The following FER1L6 variants were observed in gnomAD, a reference collection of about 807,000 sequenced individuals.
The protein encoded by FER1L6 is fer-1-like protein 6.
A neutral mutation model predicts 219.2 loss-of-function variants in FER1L6; 177 were observed. That is an observed-to-expected ratio of 0.81 (90% CI 0.71 to 0.91). FER1L6 has a LOEUF of 0.91. Ranked by LOEUF, FER1L6 falls within the 40% of genes least tolerant of loss-of-function variation. The pLI, the probability that FER1L6 is intolerant of heterozygous loss-of-function variation, is 0.00. For missense variants in FER1L6, 2,153 were observed against 2,259.9 expected (o/e 0.95, Z 0.96); for synonymous variants, 768 against 824.3 (o/e 0.93, Z 1.17).
Position 123,949,421 on chromosome 8 carries a change from C to T in FER1L6, c.-7-6571C>T, listed in dbSNP as rs569817783. 6.0e-4 allele frequency among the ~76,000 whole-genome samples: 91 copies of T among 152,226 alleles called. 1 individual carries two copies. Among genetic ancestry groups the T allele is most frequent in the African/African-American group, 2.2e-3 (91 of 41,540 alleles). ...AGTAAGTTTAGGAAGTTTAATGATTCCCATTTGTAATAAAATCTGTTATGG... is the reference window on the plus strand; with the variant it reads ...AGTAAGTTTAGGAAGTTTAATGATTTCCATTTGTAATAAAATCTGTTATGG... On this transcript the variant is annotated intron_variant, in intron 1 of 40. Coordinates refer to ENST00000522917, the MANE Select transcript of FER1L6 (RefSeq NM_001039112.2).
At chr8:124,096,128 G>T in intron 35 of FER1L6, among the ~76,000 whole-genome samples, 1 of 152,168 alleles carries the variant, frequency 6.6e-6, no homozygotes, top group East Asian at 1.9e-4. Context: ...CGTTGAGAGG[G>T]TAAACCATTA....
In FER1L6 at chr8:123,880,272, C is replaced by T. The variant is rs116322986; in HGVS notation, c.-8+28087C>T. On this transcript the variant is annotated intron_variant, in intron 1 of 40. Coordinates refer to ENST00000522917, the MANE Select transcript of FER1L6 (RefSeq NM_001039112.2). ...TCGACCAACAGACAGACCAACCGAGCCTTCTTCTAACTCCCACTGTATTTA... is the reference window on the plus strand; with the variant it reads ...TCGACCAACAGACAGACCAACCGAGTCTTCTTCTAACTCCCACTGTATTTA... 1.5e-3 allele frequency among the ~76,000 whole-genome samples: 223 copies of T among 152,254 alleles called. 1 individual carries two copies. Among genetic ancestry groups the T allele is most frequent in the African/African-American group, 5.3e-3 (221 of 41,548 alleles).
At chr8:124,118,419 A>G (rs975120573) in intron 39 of FER1L6, among the ~76,000 whole-genome samples, 7 of 152,240 alleles carry the variant, frequency 4.6e-5, no homozygotes, top group African/African-American at 1.7e-4. Context: ...AAAGCCATTC[A>G]GCAAATGTGG....
intron 1 of FER1L6, among the ~76,000 whole-genome samples, chr8:123,916,117 G>A (rs191580149): frequency 6.6e-6 from 1 of 152,312 alleles, no homozygotes; most frequent in Non-Finnish European, 1.5e-5. Context: ...GCTGCCTTCT[G>A]CAGGCAGCCC....
At chr8:123,886,089 G>A (rs1482425500) in intron 1 of FER1L6, among the ~76,000 whole-genome samples, 1 of 152,104 alleles carries the variant, frequency 6.6e-6, no homozygotes, top group Non-Finnish European at 1.5e-5. Context: ...CTAACACTCT[G>A]TACTTCCCTA....
At chr8:123,898,844 T>TAC (rs1191425455) in intron 1 of FER1L6, among the ~76,000 whole-genome samples, 43 of 125,834 alleles carry the variant, frequency 3.4e-4, no homozygotes, top group Non-Finnish European at 5.2e-4. Flanking sequence ...TATACATACA[T>TAC]ATATACACAC....
intron 1 of FER1L6, among the ~76,000 whole-genome samples, chr8:123,944,368 G>C (rs1814390456): frequency 6.7e-6 from 1 of 150,250 alleles, no homozygotes; most frequent in Non-Finnish European, 1.5e-5. Flanking sequence ...AAGTATATTG[G>C]CTCAATCCCA....
chr8:123,935,684 C>A (rs933871412), intron 1 of FER1L6, among the ~76,000 whole-genome samples: 5 of 152,108 alleles, frequency 3.3e-5, no homozygotes, highest in African/African-American at 1.2e-4. Flanking sequence ...CAACACAGCT[C>A]CTGGCAGTAT....
At chr8:123,930,125 T>A (rs374125457) in intron 1 of FER1L6, among the ~76,000 whole-genome samples, 2 of 152,354 alleles carry the variant, frequency 1.3e-5, no homozygotes, top group South Asian at 2.1e-4. Context: ...AGCTAGGATA[T>A]TGACATTGAC....
intron 25 of FER1L6, among the ~76,000 whole-genome samples, chr8:124,062,942 C>T (rs988046463): frequency 6.6e-6 from 1 of 152,234 alleles, no homozygotes; most frequent in African/African-American, 2.4e-5. Context: ...TTCAGCAGCA[C>T]CTGCTATTAT....
At chr8:124,040,693 C>A (rs1481871388) in intron 20 of FER1L6, 1 of 152,860 alleles carries the variant, frequency 6.5e-6, no homozygotes, top group Admixed American at 6.5e-5. Context: ...CTGGTGGGAC[C>A]CTGCAGGTTC....
intron 12 of FER1L6, among the ~76,000 whole-genome samples, chr8:123,994,641 T>A (rs1391708240): frequency 6.6e-6 from 1 of 152,160 alleles, no homozygotes; most frequent in Non-Finnish European, 1.5e-5. Context: ...CACCTCCCAG[T>A]TCACCCGCAA....
At chr8:124,026,556 G>C (rs1818714812) in intron 18 of FER1L6, among the ~76,000 whole-genome samples, 1 of 152,142 alleles carries the variant, frequency 6.6e-6, no homozygotes, top group East Asian at 1.9e-4. Context: ...ACATTACAGG[G>C]AAATAGTTTC....
Position 124,064,496 on chromosome 8 carries a change from G to A in FER1L6, c.3478G>A (p.Val1160Ile), listed in dbSNP as rs199512849. The A allele has an allele frequency of 2.0e-4, 321 of 1,613,976 alleles. 1 individual carries two copies. In the African/African-American group the frequency reaches 2.4e-3, roughly 12 times the overall value. Residue 1160 changes from valine to isoleucine, a missense_variant, in exon 26 of 41, where the codon GTC (valine) becomes ATC (isoleucine). Physicochemically the swap from Val to Ile is conservative, Grantham distance 29 (BLOSUM62 3). Transcript: ENST00000522917. ...GGCCCAGCCGGCCATCCTGGTTGAC[G>A]TCCCTGACTCATCCCCGATGCTGGA... Reference protein sequence around the residue: ...AQAQPAILVDVPDSSPMLEPE... With the variant: ...AQAQPAILVDIPDSSPMLEPE...
At chr8:123,949,472 TATAAAC>T (rs1814657678) in intron 1 of FER1L6, among the ~76,000 whole-genome samples, 1 of 152,234 alleles carries the variant, frequency 6.6e-6, no homozygotes, top group South Asian at 2.1e-4. Context: ...TTCCTGAGGT[TATAAAC>T]ATACCCTTCT....
At chr8:124,092,190 T>TATA (rs1325050689) in intron 34 of FER1L6, among the ~76,000 whole-genome samples, 6 of 152,174 alleles carry the variant, frequency 3.9e-5, no homozygotes, top group Non-Finnish European at 8.8e-5. Context: ...TCCAATAGAT[T>TATA]ATAATGATTC....
intron 13 of FER1L6, among the ~76,000 whole-genome samples, chr8:124,006,747 G>T (rs370479290): frequency 2.0e-5 from 3 of 152,142 alleles, no homozygotes; most frequent in Non-Finnish European, 2.9e-5. Flanking sequence ...ATTTAGACTG[G>T]CAGTCTCCTC....
intron 32 of FER1L6, among the ~76,000 whole-genome samples, chr8:124,078,774 C>T (rs1046065765): frequency 2.6e-5 from 4 of 150,990 alleles, no homozygotes; most frequent in African/African-American, 7.3e-5. Context: ...GTAGGGAGGA[C>T]GTGATGTGGC....
chr8:124,040,382 C>T (rs957888648), intron 20 of FER1L6: 10 of 233,388 alleles, frequency 4.3e-5, no homozygotes, highest in Non-Finnish European at 7.7e-5. Flanking sequence ...GAAGGGGTCT[C>T]AGTGGGGAGA....
Sources: allele counts gnomAD v4.1 joint callset (sites outside exome capture counted in the v4.1 genomes callset), GRCh38; gene constraint gnomAD v4.1.1; transcripts MANE v1.5; gene names NCBI Gene and HGNC (gene_info 2026-07-23, HGNC 2026-07-21).